CNTLN: variants seen among roughly 807,000 people sequenced by gnomAD.
The protein encoded by CNTLN is centlein.
In CNTLN, 212 loss-of-function variants were observed where a neutral mutation model predicts 180.0. The ratio of observed to expected loss-of-function variants is 1.18; its 90% CI spans 1.05 to 1.32. The LOEUF is 1.32. CNTLN is among the 40% of genes most tolerant of loss of function. The probability of loss-of-function intolerance (pLI) is 0.00; values close to 1 mark genes in which losing one functional copy is unlikely to be tolerated. For synonymous variants in CNTLN, 722 were observed against 563.1 expected (o/e 1.28, Z -3.99); for missense variants, 2,095 against 1,610.9 (o/e 1.30, Z -5.14).
chr9:17,183,639 C>G (rs1469347818), intron 2 of CNTLN, among the ~76,000 whole-genome samples: 2 of 151,604 alleles, frequency 1.3e-5, no homozygotes, highest in African/African-American at 2.4e-5. Context: ...CTATTCCTTT[C>G]AATGCCTTTG....
At chr9:17,210,257 C>G (rs1823201263) in intron 2 of CNTLN, among the ~76,000 whole-genome samples, 1 of 152,136 alleles carries the variant, frequency 6.6e-6, no homozygotes, top group Admixed American at 6.5e-5. Flanking sequence ...TGTTGCCGTT[C>G]CTGTGTCCAA....
chr9:17,338,151 CTTTCTTTCTT>C (rs1564006806), intron 10 of CNTLN, among the ~76,000 whole-genome samples: 1 of 141,774 alleles, frequency 7.1e-6, no homozygotes, highest in Non-Finnish European at 1.6e-5. Flanking sequence ...CTTCCTTCTT[CTTTCTTTCTT>C]TTTCTTTCTT....
chr9:17,380,987 TCACC>T (rs1261451268), intron 13 of CNTLN, among the ~76,000 whole-genome samples: 1 of 152,184 alleles, frequency 6.6e-6, no homozygotes, highest in Non-Finnish European at 1.5e-5. Context: ...TGGCACACTG[TCACC>T]TCCACCCGTG....
At chr9:17,158,673 T>C (rs1273226920) in intron 2 of CNTLN, among the ~76,000 whole-genome samples, 1 of 152,104 alleles carries the variant, frequency 6.6e-6, no homozygotes, top group African/African-American at 2.4e-5. Flanking sequence ...TTGTTCATAG[T>C]ATTCCTTACA....
chr9:17,213,858 C>G (rs1823519557), intron 2 of CNTLN, among the ~76,000 whole-genome samples: 1 of 152,124 alleles, frequency 6.6e-6, no homozygotes, highest in Non-Finnish European at 1.5e-5. Flanking sequence ...TCTGTTTTAT[C>G]AGACACCAGG....
At chr9:17,266,696 G>A (rs1308038190) in intron 5 of CNTLN, among the ~76,000 whole-genome samples, 1 of 152,050 alleles carries the variant, frequency 6.6e-6, no homozygotes, top group African/African-American at 2.4e-5. Flanking sequence ...GGTTACTCAG[G>A]ACTTGCTTTA....
At chr9:17,173,014 G>C in intron 2 of CNTLN, among the ~76,000 whole-genome samples, 1 of 152,154 alleles carries the variant, frequency 6.6e-6, no homozygotes, top group Non-Finnish European at 1.5e-5. Flanking sequence ...CAAATTTTTT[G>C]TGGAGAAAAG....
chr9:17,404,544 G>C (rs36088847), intron 15 of CNTLN, among the ~76,000 whole-genome samples: 5,889 of 151,712 alleles, frequency 0.039, 227 homozygotes, highest in South Asian at 0.2. Context: ...GTATTAGCCA[G>C]AGCAATTATC....
At chr9:17,322,216 A>C (rs1819963257) in intron 8 of CNTLN, among the ~76,000 whole-genome samples, 1 of 152,116 alleles carries the variant, frequency 6.6e-6, no homozygotes, top group South Asian at 2.1e-4. Context: ...GGAGAGAACA[A>C]CTTAGCAGTA....
chr9:17,408,851 T>C (rs80156593), intron 15 of CNTLN, among the ~76,000 whole-genome samples: 2,756 of 152,102 alleles, frequency 0.018, 77 homozygotes, highest in African/African-American at 0.063. Context: ...AGAAGTATTT[T>C]ATTCAGTGAT....
At chr9:17,501,951 A>C (rs924149050) in intron 25 of CNTLN, among the ~76,000 whole-genome samples, 4 of 152,230 alleles carry the variant, frequency 2.6e-5, no homozygotes, top group African/African-American at 9.6e-5. Context: ...GAAAAGTTAT[A>C]TAAATTATGA....
chr9:17,163,263 G>T (rs1462547042), intron 2 of CNTLN, among the ~76,000 whole-genome samples: 1 of 152,178 alleles, frequency 6.6e-6, no homozygotes. Flanking sequence ...TGCAATTCAA[G>T]ATGAGATTTG....
intron 6 of CNTLN, among the ~76,000 whole-genome samples, chr9:17,284,705 G>A (rs1828872590): frequency 6.6e-6 from 1 of 151,852 alleles, no homozygotes. Flanking sequence ...TCAACAAACG[G>A]CTTCTGGATT....
At chr9:17,317,853 G>C (rs1368679993) in intron 8 of CNTLN, among the ~76,000 whole-genome samples, 1 of 152,010 alleles carries the variant, frequency 6.6e-6, no homozygotes, top group East Asian at 1.9e-4. Context: ...ATCTCAGAGA[G>C]GTAAATGTGG....
chr9:17,295,910 C>T (rs1817870459), intron 6 of CNTLN, among the ~76,000 whole-genome samples: 1 of 151,490 alleles, frequency 6.6e-6, no homozygotes, highest in Admixed American at 6.6e-5. Flanking sequence ...TGCTTTTTCC[C>T]AGGTTGATTT....
intron 18 of CNTLN, among the ~76,000 whole-genome samples, chr9:17,429,910 G>A (rs1252936609): frequency 6.6e-6 from 1 of 151,854 alleles, no homozygotes; most frequent in Admixed American, 6.6e-5. Flanking sequence ...CCAAGCAAAG[G>A]AATTTTATTG....
intron 2 of CNTLN, among the ~76,000 whole-genome samples, chr9:17,173,872 C>T (rs753144222): frequency 1.3e-5 from 2 of 152,124 alleles, no homozygotes; most frequent in Non-Finnish European, 1.5e-5. Context: ...CCAATAATAA[C>T]ATCTTGCAAA....
intron 15 of CNTLN, among the ~76,000 whole-genome samples, chr9:17,395,370 G>A (rs776815037): frequency 6.6e-6 from 1 of 152,172 alleles, no homozygotes; most frequent in Non-Finnish European, 1.5e-5. Context: ...CAGTTTGGCA[G>A]GTTGATTTAA....
chr9:17,315,928 A>G (rs1010895347), intron 8 of CNTLN, among the ~76,000 whole-genome samples: 12 of 147,520 alleles, frequency 8.1e-5, no homozygotes, highest in African/African-American at 3.0e-4. Context: ...TTCCAACCAT[A>G]CTTGTAGGTT....
Sources: gnomAD v4.1 joint callset for allele counts (sites outside exome capture counted in the v4.1 genomes callset) on GRCh38, gnomAD v4.1.1 for gene constraint, MANE v1.5 for transcripts, NCBI Gene and HGNC (gene_info 2026-07-23, HGNC 2026-07-21) for gene names.